SLC35D4: variants seen among roughly 807,000 people sequenced by gnomAD.
SLC35D4 encodes UDP-N-acetylglucosamine transporter SLC35D4.
the SLC35D4 span, among the ~76,000 whole-genome samples, chr18:23,311,322 G>A: frequency 6.7e-6 from 1 of 148,830 alleles, no homozygotes; most frequent in Non-Finnish European, 1.5e-5. Context: ...GAACTCCTGG[G>A]CTCAAGCAAT....
the SLC35D4 span, among the ~76,000 whole-genome samples, chr18:23,319,613 AT>A: frequency 6.3e-4 from 96 of 151,996 alleles, no homozygotes; most frequent in African/African-American, 2.3e-3. Context: ...AATATTTTGT[AT>A]TTTTAGTAGA....
At chr18:23,281,944 G>A in the SLC35D4 span, among the ~76,000 whole-genome samples, 1 of 152,224 alleles carries the variant, frequency 6.6e-6, no homozygotes, top group Non-Finnish European at 1.5e-5. Flanking sequence ...TAAATGAACG[G>A]CTGATTGTAA....
At chr18:23,319,358 C>T in the SLC35D4 span, among the ~76,000 whole-genome samples, 1 of 152,016 alleles carries the variant, frequency 6.6e-6, no homozygotes, top group Admixed American at 6.5e-5. Context: ...GCAACCTCTG[C>T]CTCCTAGGTT....
At chr18:23,244,447 C>T in the SLC35D4 span, among the ~76,000 whole-genome samples, 22 of 152,234 alleles carry the variant, frequency 1.4e-4, no homozygotes, top group Non-Finnish European at 1.9e-4. Context: ...CCCCAGGCTG[C>T]GTAGGCTACC....
the SLC35D4 span, among the ~76,000 whole-genome samples, chr18:23,328,105 T>A: frequency 6.6e-6 from 1 of 152,208 alleles, no homozygotes; most frequent in African/African-American, 2.4e-5. Flanking sequence ...TCATACTGAA[T>A]GGGCAAAAAC....
chr18:23,356,913 T>C, the SLC35D4 span, among the ~76,000 whole-genome samples: 1 of 152,236 alleles, frequency 6.6e-6, no homozygotes, highest in Admixed American at 6.5e-5. This position sits in a 1 kb window ranked among gnomAD's most constrained non-coding sequence, Gnocchi z 4.1. Flanking sequence ...CTAAAATCTT[T>C]ATGTATTTAT....
chr18:23,298,021 G>C, the SLC35D4 span: 1 of 1,613,466 alleles, frequency 6.2e-7, no homozygotes, highest in Non-Finnish European at 8.5e-7. Flanking sequence ...GAGCTCTTCC[G>C]CTCTGAGAAA....
At chr18:23,320,973 T>A in the SLC35D4 span, among the ~76,000 whole-genome samples, 35 of 152,186 alleles carry the variant, frequency 2.3e-4, no homozygotes, top group Non-Finnish European at 4.3e-4. Context: ...AAATGCCTCA[T>A]GGGAAAAACT....
chr18:23,290,768 A>G, the SLC35D4 span, among the ~76,000 whole-genome samples: 1 of 151,084 alleles, frequency 6.6e-6, no homozygotes, highest in African/African-American at 2.4e-5. Flanking sequence ...CTGGGATTAC[A>G]GGTGCCTGCC....
At chr18:23,280,371 G>A in the SLC35D4 span, among the ~76,000 whole-genome samples, 3 of 152,256 alleles carry the variant, frequency 2.0e-5, no homozygotes, top group Admixed American at 6.5e-5. Flanking sequence ...GAGGCCGGCA[G>A]CTGTCAGGGC....
the SLC35D4 span, among the ~76,000 whole-genome samples, chr18:23,292,315 G>A: frequency 6.6e-6 from 1 of 152,240 alleles, no homozygotes; most frequent in Admixed American, 6.5e-5. Context: ...ACAAACAGTG[G>A]CTGCGGGTTC....
At chr18:23,393,074 C>A in the SLC35D4 span, among the ~76,000 whole-genome samples, 1 of 152,028 alleles carries the variant, frequency 6.6e-6, no homozygotes, top group Non-Finnish European at 1.5e-5. Context: ...TGCTACCATG[C>A]CAGGATAATT....
chr18:23,285,616 T>C, the SLC35D4 span, among the ~76,000 whole-genome samples: 1 of 152,162 alleles, frequency 6.6e-6, no homozygotes, highest in Non-Finnish European at 1.5e-5. Flanking sequence ...ATCTTCCTTC[T>C]TTCCCTTCCG....
At chr18:23,317,168 C>T in the SLC35D4 span, among the ~76,000 whole-genome samples, 6 of 151,838 alleles carry the variant, frequency 4.0e-5, no homozygotes, top group Non-Finnish European at 8.8e-5. Context: ...CACACACACA[C>T]ACACACACAC....
chr18:23,368,425 G>A, the SLC35D4 span, among the ~76,000 whole-genome samples: 2 of 152,348 alleles, frequency 1.3e-5, no homozygotes, highest in African/African-American at 4.8e-5. Context: ...ACACAATCTA[G>A]AAGTGAGGGT....
chr18:23,351,391 A>C, the SLC35D4 span, among the ~76,000 whole-genome samples: 1 of 151,036 alleles, frequency 6.6e-6, no homozygotes, highest in African/African-American at 2.4e-5. Context: ...TGGGCAACAG[A>C]GTAAGACCCT....
chr18:23,373,389 T>C, the SLC35D4 span, among the ~76,000 whole-genome samples: 1 of 152,160 alleles, frequency 6.6e-6, no homozygotes, highest in Admixed American at 6.6e-5. Flanking sequence ...AAATCAACTT[T>C]GCCTCCATGG....
At chr18:23,341,050 C>T in the SLC35D4 span, among the ~76,000 whole-genome samples, 3 of 152,206 alleles carry the variant, frequency 2.0e-5, no homozygotes, top group Admixed American at 6.5e-5. Flanking sequence ...CGTCTACACA[C>T]GTCCCTGCAT....
chr18:23,355,592 CTTT>C, the SLC35D4 span, among the ~76,000 whole-genome samples: 16 of 141,604 alleles, frequency 1.1e-4, no homozygotes, highest in Admixed American at 1.4e-4. Flanking sequence ...CTCTGTAATT[CTTT>C]TTTTTTTTTT....
Sources: allele counts gnomAD v4.1 joint callset (sites outside exome capture counted in the v4.1 genomes callset), GRCh38; gene constraint gnomAD v4.1.1; non-coding constraint Gnocchi (gnomAD v3.1); transcripts MANE v1.5; gene names NCBI Gene and HGNC (gene_info 2026-07-23, HGNC 2026-07-21).